GPC5: variants seen among roughly 807,000 people sequenced by gnomAD.
GPC5 encodes glypican 5.
A neutral mutation model predicts 53.9 loss-of-function variants in GPC5; 47 were observed. The observed-to-expected ratio is 0.87, with a 90% CI of 0.69 to 1.11. GPC5 has a LOEUF of 1.11. GPC5 is among the 50% of genes most tolerant of loss of function. The pLI, the probability that GPC5 is intolerant of heterozygous loss-of-function variation, is 0.00. For synonymous variants in GPC5, 286 were observed against 263.3 expected, an observed-to-expected ratio of 1.09 and a Z score of -0.84; for missense variants, 748 against 713.1, an observed-to-expected ratio of 1.05 and a Z score of -0.56.
rs766772581 is a variant in GPC5, at chr13:91,948,121, G to C, written c.1401+40064G>C. Among the ~76,000 whole-genome samples the C allele has an allele frequency of 5.9e-5, 9 of 151,752 alleles. No homozygotes were observed. The South Asian group carries it at 1.7e-3, about 28-fold the overall frequency. On this transcript the variant is annotated intron_variant, in intron 6 of 7. Coordinates refer to ENST00000377067, the MANE Select transcript of GPC5 (RefSeq NM_004466.6). ...CGGGCGCCTGTAGTCCCAGCTACTC[G>C]GGAGGCTGAGGTGGGAGAATGGCGT...
intron 7 of GPC5, among the ~76,000 whole-genome samples, chr13:92,527,243 AAG>A (rs1275649268): frequency 8.2e-5 from 3 of 36,696 alleles, no homozygotes; most frequent in South Asian, 1.2e-3. Flanking sequence ...GAAAGAAAGA[AAG>A]AAAGAGAAAG....
intron 6 of GPC5, among the ~76,000 whole-genome samples, chr13:92,095,644 A>G (rs1207868090): frequency 2.6e-5 from 4 of 151,936 alleles, no homozygotes; most frequent in African/African-American, 9.7e-5. Flanking sequence ...AAGCGATTCT[A>G]CTGCCTCGGC....
At position 92,239,153 on chromosome 13, in the gene GPC5, C is replaced by CTT. The variant is rs370167814; in HGVS notation, c.1561+94176_1561+94177dup. 3.3e-4 allele frequency among the ~76,000 whole-genome samples: 41 copies of CTT among 125,782 alleles called. 1 individual carries two copies. The highest frequency in any genetic ancestry group is 2.3e-3 in the East Asian group (11 of 4,708). The allele number at this position is 125,782 out of a possible 152,430, so 82.5% of individuals were successfully genotyped here. A position where few individuals can be genotyped will look rare whatever the true frequency, so the allele number is the denominator to read the frequency against. On this transcript the variant is annotated intron_variant, in intron 7 of 7. Coordinates refer to ENST00000377067, the MANE Select transcript of GPC5 (RefSeq NM_004466.6). ...AAATTGTGATGTGTGAGTCTTTCAACTTTTTTTTTTTTTCAAGATTCTACT... is the reference window on the plus strand; with the variant it reads ...AAATTGTGATGTGTGAGTCTTTCAACTTTTTTTTTTTTTTTCAAGATTCTACT...
intron 2 of GPC5, among the ~76,000 whole-genome samples, chr13:91,548,653 A>G (rs1026496272): frequency 6.6e-6 from 1 of 152,212 alleles, no homozygotes; most frequent in Admixed American, 6.5e-5. Context: ...TCAACACAAT[A>G]TTGAAGGAGA....
chr13:91,615,822 C>G (rs1226104741), intron 2 of GPC5, among the ~76,000 whole-genome samples: 1 of 152,124 alleles, frequency 6.6e-6, no homozygotes, highest in Non-Finnish European at 1.5e-5. Context: ...ATGATAAACT[C>G]ATCCTAACAT....
intron 7 of GPC5, among the ~76,000 whole-genome samples, chr13:92,183,877 CTTA>C (rs1306720981): frequency 6.6e-6 from 1 of 151,984 alleles, no homozygotes; most frequent in Non-Finnish European, 1.5e-5. Context: ...TGGGTAATCT[CTTA>C]ATAAATATCA....
At chr13:92,440,541 G>C (rs1217576007) in intron 7 of GPC5, among the ~76,000 whole-genome samples, 2 of 152,126 alleles carry the variant, frequency 1.3e-5, no homozygotes, top group Non-Finnish European at 1.5e-5. Flanking sequence ...TTGCTATTGT[G>C]AACAGTGTGG....
intron 3 of GPC5, among the ~76,000 whole-genome samples, chr13:91,725,563 A>G (rs1263575198): frequency 2.6e-5 from 4 of 152,220 alleles, no homozygotes; most frequent in African/African-American, 7.2e-5. Flanking sequence ...CATTTATTAG[A>G]ATCAGCTATA....
At position 91,565,068 on chromosome 13, in the gene GPC5, C is replaced by T. The variant is rs559212646; in HGVS notation, c.325+116146C>T. On this transcript the variant is annotated intron_variant, in intron 2 of 7. Transcript: ENST00000377067. ...GTAGTGGCGTGATCTTGGCTCATTGCAACTTCTACCTCCTGGGTTCAAGCA... is the reference window on the plus strand; with the variant it reads ...GTAGTGGCGTGATCTTGGCTCATTGTAACTTCTACCTCCTGGGTTCAAGCA... Among the ~76,000 whole-genome samples, 325 of 151,776 alleles carry T rather than the reference C, an allele frequency of 2.1e-3. 1 individual carries two copies. The highest frequency in any genetic ancestry group is 6.7e-3 in the African/African-American group (277 of 41,392).
At chr13:92,798,724 G>T (rs189115801) in intron 7 of GPC5, among the ~76,000 whole-genome samples, 1 of 151,794 alleles carries the variant, frequency 6.6e-6, no homozygotes, top group Non-Finnish European at 1.5e-5. Flanking sequence ...AAATCAGGCT[G>T]TTGCAATTTT....
chr13:92,192,131 A>G (rs2042226830), intron 7 of GPC5, among the ~76,000 whole-genome samples: 1 of 152,126 alleles, frequency 6.6e-6, no homozygotes, highest in Non-Finnish European at 1.5e-5. Context: ...AAGGTGGTGA[A>G]GCTATTCTGT....
At position 92,062,770 on chromosome 13, in the gene GPC5, G is replaced by A. The variant is rs374890132; in HGVS notation, c.1402-82060G>A. On this transcript the variant is annotated intron_variant, in intron 6 of 7. Coordinates refer to ENST00000377067, the MANE Select transcript of GPC5 (RefSeq NM_004466.6). The stretch of plus-strand genomic sequence containing the variant: ...CTATAATGGTTTGTGATCTAATTCC[G>A]ATCTCATGTTCCAAGGAAAATTAAA... Among the ~76,000 whole-genome samples, 8 of 151,940 alleles carry A rather than the reference G, an allele frequency of 5.3e-5. No individual in the cohort carries two copies. In the South Asian group the frequency reaches 6.2e-4, roughly 12 times the overall value.
At chr13:92,089,882 A>G (rs2041365740) in intron 6 of GPC5, among the ~76,000 whole-genome samples, 1 of 152,196 alleles carries the variant, frequency 6.6e-6, no homozygotes. Context: ...CAGGTTCTGT[A>G]TCAACTTAGT....
intron 6 of GPC5, among the ~76,000 whole-genome samples, chr13:92,058,789 C>T (rs1170648317): frequency 6.6e-6 from 1 of 152,124 alleles, no homozygotes. Flanking sequence ...GGTGATCCAC[C>T]CTCCTCAGCC....
chr13:92,653,482 T>C (rs1418303601), intron 7 of GPC5, among the ~76,000 whole-genome samples: 2 of 152,294 alleles, frequency 1.3e-5, no homozygotes, highest in Non-Finnish European at 1.5e-5. Flanking sequence ...AAATATCTCA[T>C]GTATTTGTAT....
chr13:91,528,027 A>C (rs748962713), intron 2 of GPC5, among the ~76,000 whole-genome samples: 2 of 151,800 alleles, frequency 1.3e-5, no homozygotes, highest in Non-Finnish European at 2.9e-5. Flanking sequence ...GGCTGGTGTG[A>C]AGATCTCTGA....
chr13:91,740,755 T>G (rs2036917073), intron 4 of GPC5, among the ~76,000 whole-genome samples: 1 of 152,156 alleles, frequency 6.6e-6, no homozygotes, highest in South Asian at 2.1e-4. Context: ...GTAAAGGACA[T>G]TGCGCTCATA....
At chr13:91,874,709 G>A (rs1160539229) in intron 5 of GPC5, among the ~76,000 whole-genome samples, 2 of 152,074 alleles carry the variant, frequency 1.3e-5, no homozygotes, top group African/African-American at 4.8e-5. Context: ...CTCTGCCCAG[G>A]GTTTTGCTGA....
intron 7 of GPC5, among the ~76,000 whole-genome samples, chr13:92,392,772 A>G (rs971122320): frequency 1.3e-4 from 20 of 152,204 alleles, no homozygotes; most frequent in African/African-American, 1.7e-4. Context: ...GAAGACATAC[A>G]TGTGGCCAAC....
Sources: allele counts gnomAD v4.1 joint callset (sites outside exome capture counted in the v4.1 genomes callset), GRCh38; gene constraint gnomAD v4.1.1; transcripts MANE v1.5; gene names NCBI Gene and HGNC (gene_info 2026-07-23, HGNC 2026-07-21).